Variants in ADARB1 observed in about 807,000 individuals in gnomAD.
The protein encoded by ADARB1 is double-stranded RNA-specific editase 1.
Under a neutral mutation model 52.4 loss-of-function variants are expected in ADARB1, and 10 were observed. The ratio of observed to expected loss-of-function variants is 0.19; its 90% CI spans 0.12 to 0.32. The LOEUF (loss-of-function observed/expected upper bound fraction) is 0.32. ADARB1 is among the 10% of genes least tolerant of loss of function. The probability of loss-of-function intolerance (pLI) is 1.00; values close to 1 mark genes in which losing one functional copy is unlikely to be tolerated. For missense variants in ADARB1, 643 were observed against 922.3 expected (o/e 0.70, Z 3.92); for synonymous variants, 349 against 371.1 (o/e 0.94, Z 0.68).
rs556848998 is a variant in ADARB1, at chr21:45,208,378, A to C, written c.1747+3642A>C. Among the ~76,000 whole-genome samples, 2 of 152,314 alleles carry C rather than the reference A, an allele frequency of 1.3e-5. No homozygotes were observed. Among genetic ancestry groups the C allele is most frequent in the East Asian group, 3.9e-4 (2 of 5,186 alleles). On this transcript the variant is annotated intron_variant, in intron 9 of 10. Transcript: ENST00000348831. The surrounding 1 kb of genome is among the most constrained non-coding windows in gnomAD (Gnocchi z 5.6). Reference sequence around the variant, plus strand: ...AACAAACAAGGCTACATGATGGGGTAGGGTCCTTGTGAAGAGCTTGCATTT... The same window carrying C: ...AACAAACAAGGCTACATGATGGGGTCGGGTCCTTGTGAAGAGCTTGCATTT...
intron 1 of ADARB1, among the ~76,000 whole-genome samples, chr21:45,117,712 G>A (rs1421264690): frequency 6.6e-6 from 1 of 152,084 alleles, no homozygotes; most frequent in Admixed American, 6.5e-5. Flanking sequence ...ATTGATAAGG[G>A]GGCCCTTTTA....
At chr21:45,155,711 C>G (rs2090523595) in intron 2 of ADARB1, among the ~76,000 whole-genome samples, 1 of 150,044 alleles carries the variant, frequency 6.7e-6, no homozygotes, top group Admixed American at 6.6e-5. Context: ...CATCACCCAT[C>G]TATTCATCCA....
At chr21:45,195,815 A>G (rs2092412191) in intron 8 of ADARB1, among the ~76,000 whole-genome samples, 1 of 152,180 alleles carries the variant, frequency 6.6e-6, no homozygotes, top group African/African-American at 2.4e-5. Context: ...TTACTCTAGT[A>G]TAGTAAGTCT....
intron 8 of ADARB1, among the ~76,000 whole-genome samples, chr21:45,193,951 G>T (rs749481513): frequency 7.9e-5 from 12 of 152,168 alleles, no homozygotes; most frequent in Non-Finnish European, 1.5e-4. Flanking sequence ...ATCTCAACAG[G>T]ATTTTTTGGA....
chr21:45,210,421 T>C (rs2092745161), intron 9 of ADARB1, among the ~76,000 whole-genome samples: 1 of 152,234 alleles, frequency 6.6e-6, no homozygotes, highest in Admixed American at 6.5e-5. Context: ...TTTTAAATTC[T>C]CTGTGCAGAT....
rs377707994 is a variant in ADARB1 at position 45,198,191 on chromosome 21, TAGCAGTG to T, written c.1566-6357_1566-6351del. ...ATTAGTTTTGTAAGCAACAAAGATG[TAGCAGTG>T]AGCAGTAACAAAGCCTCTAAGATGT... On this transcript the variant is annotated intron_variant, in intron 8 of 10. Coordinates refer to ENST00000348831, the MANE Select transcript of ADARB1 (RefSeq NM_001112.4). 1.6e-4 allele frequency among the ~76,000 whole-genome samples: 25 copies of T among 152,282 alleles called. No individual in the cohort carries two copies. In the East Asian group the frequency reaches 4.6e-3, roughly 28 times the overall value.
chr21:45,133,122 G>A (rs1403715474), intron 2 of ADARB1, among the ~76,000 whole-genome samples: 1 of 152,218 alleles, frequency 6.6e-6, no homozygotes, highest in Non-Finnish European at 1.5e-5. Flanking sequence ...TTGTCGAAGG[G>A]GTGTCAGCCT....
At chr21:45,129,592 C>T (rs1420342139) in intron 2 of ADARB1, among the ~76,000 whole-genome samples, 2 of 152,256 alleles carry the variant, frequency 1.3e-5, no homozygotes, top group Admixed American at 1.3e-4. Flanking sequence ...CTTGGCAGCT[C>T]TCATGTGAGC....
intron 1 of ADARB1, among the ~76,000 whole-genome samples, chr21:45,088,248 A>G (rs144186672): frequency 6.6e-6 from 1 of 152,326 alleles, no homozygotes; most frequent in African/African-American, 2.4e-5. Flanking sequence ...GCACACCTAA[A>G]TATCAGTTGC....
At chr21:45,158,446 A>G (rs777952336) in intron 2 of ADARB1, among the ~76,000 whole-genome samples, 6 of 152,310 alleles carry the variant, frequency 3.9e-5, no homozygotes, top group Admixed American at 6.5e-5. Context: ...GGTGTAAAAT[A>G]TATAGTATGT....
chr21:45,179,799 C>T (rs8133307), intron 4 of ADARB1, among the ~76,000 whole-genome samples: 100,110 of 151,620 alleles, frequency 0.66, 33,236 homozygotes, highest in African/African-American at 0.72. Flanking sequence ...TTGTGGCTTC[C>T]TTCACTGGAT....
chr21:45,126,978 C>T (rs982917553), intron 1 of ADARB1, among the ~76,000 whole-genome samples: 2 of 152,188 alleles, frequency 1.3e-5, no homozygotes, highest in Non-Finnish European at 2.9e-5. Flanking sequence ...GTCCTTTCTG[C>T]TGTGTTTTTC....
chr21:45,208,830 TAGG>T lies in ADARB1; in HGVS notation c.1747+4100_1747+4102del, dbSNP rs2092716066. Among the ~76,000 whole-genome samples, 1 of 152,112 alleles carries T rather than the reference TAGG, an allele frequency of 6.6e-6. No homozygotes were observed. Among genetic ancestry groups the T allele is most frequent in the Non-Finnish European group, 1.5e-5 (1 of 68,008 alleles). ...TGAGTTTCCTCCTTGCCCTGGTTTC[TAGG>T]AGGAGTGAACGTGCCATGAGTCATT... is the stretch of plus-strand genomic sequence containing the variant. On this transcript the variant is annotated intron_variant, in intron 9 of 10. Transcript: ENST00000348831. The surrounding 1 kb of genome is among the most constrained non-coding windows in gnomAD (Gnocchi z 5.6).
intron 2 of ADARB1, among the ~76,000 whole-genome samples, chr21:45,152,207 GTACTCTTTTA>G (rs1274470533): frequency 3.3e-5 from 5 of 152,020 alleles, no homozygotes; most frequent in African/African-American, 1.2e-4. Context: ...TTTCTAAACT[GTACTCTTTTA>G]TTGATAGATT....
At chr21:45,130,523 G>C (rs1289338638) in intron 2 of ADARB1, among the ~76,000 whole-genome samples, 2 of 152,186 alleles carry the variant, frequency 1.3e-5, no homozygotes, top group Non-Finnish European at 2.9e-5. Context: ...CATAAAATAA[G>C]AGCTAATTTC....
chr21:45,075,234 C>T (rs1224728310), intron 1 of ADARB1, among the ~76,000 whole-genome samples: 1 of 150,062 alleles, frequency 6.7e-6, no homozygotes, highest in Non-Finnish European at 1.5e-5. Context: ...TACAAGGTTG[C>T]GCCGGGGAAC....
chr21:45,176,944 C>T lies in ADARB1; in HGVS notation c.963+280C>T. 3.1e-6 allele frequency: 1 copy of T among 321,154 alleles called. No homozygotes were observed. Among genetic ancestry groups the T allele is most frequent in the Non-Finnish European group, 5.3e-6 (1 of 190,264 alleles). 19.9% of individuals were successfully genotyped at this position (321,154 alleles called of 1,614,324 possible). A position where few individuals can be genotyped will look rare whatever the true frequency, so the allele number is the denominator to read the frequency against. On this transcript the variant is annotated intron_variant, in intron 4 of 10. Coordinates refer to ENST00000348831, the MANE Select transcript of ADARB1 (RefSeq NM_001112.4). This position sits in a 1 kb window ranked among gnomAD's most constrained non-coding sequence, Gnocchi z 5.8. Reference sequence around the variant, plus strand: ...AGTGTTTACAACACTATCCATAACTCCCTTCCCGTTAGGCAACCCCCCCCA... The same window carrying T: ...AGTGTTTACAACACTATCCATAACTTCCTTCCCGTTAGGCAACCCCCCCCA...
At position 45,157,374 on chromosome 21, in the gene ADARB1, A is replaced by G. The variant is rs1453810315; in HGVS notation, c.-47-14236A>G. Reference sequence around the variant, plus strand: ...TTGTCTTTTTTTTCCCTTTGATTCCAGAAAATTAACTACAATTTTCAAATA... The same window carrying G: ...TTGTCTTTTTTTTCCCTTTGATTCCGGAAAATTAACTACAATTTTCAAATA... On this transcript the variant is annotated intron_variant, in intron 2 of 10. Transcript: ENST00000348831. This position sits in a 1 kb window ranked among gnomAD's most constrained non-coding sequence, Gnocchi z 4.1. 6.6e-6 allele frequency among the ~76,000 whole-genome samples: 1 copy of G among 152,200 alleles called. No homozygotes were observed. Among genetic ancestry groups the G allele is most frequent in the African/African-American group, 2.4e-5 (1 of 41,440 alleles).
intron 2 of ADARB1, among the ~76,000 whole-genome samples, chr21:45,155,850 C>T (rs1447911765): frequency 7.4e-6 from 1 of 134,478 alleles, no homozygotes; most frequent in Non-Finnish European, 1.6e-5. Context: ...ACCCACCCAC[C>T]CATCATCCAT....
Sources: gnomAD v4.1 joint callset for allele counts (sites outside exome capture counted in the v4.1 genomes callset) on GRCh38, gnomAD v4.1.1 for gene constraint, Gnocchi (gnomAD v3.1) non-coding constraint, MANE v1.5 for transcripts, NCBI Gene and HGNC (gene_info 2026-07-23, HGNC 2026-07-21) for gene names.